CFAP54: variants seen among roughly 807,000 people sequenced by gnomAD.
CFAP54 encodes the protein cilia- and flagella-associated protein 54.
A neutral mutation model predicts 370.4 loss-of-function variants in CFAP54; 290 were observed. The observed-to-expected ratio is 0.78, with a 90% confidence interval of 0.71 to 0.86. The LOEUF is 0.86. CFAP54 is among the 40% of genes least tolerant of loss of function. The probability of loss-of-function intolerance (pLI) is 0.00; values close to 1 mark genes in which losing one functional copy is unlikely to be tolerated. For synonymous variants in CFAP54, 1,206 were observed against 1,236.5 expected (o/e 0.98, Z 0.52); for missense variants, 3,399 against 3,528.7 (o/e 0.96, Z 0.93).
intron 30 of CFAP54, 86 bp downstream of exon 30, chr12:96,627,025 A>G (rs1289545763): frequency 7.0e-6 from 7 of 992,970 alleles, no homozygotes; most frequent in Non-Finnish European, 9.3e-6. Context: ...AGGTAGACGA[A>G]AAAGAGAGTG....
intron 30 of CFAP54, among the ~76,000 whole-genome samples, chr12:96,627,907 G>A (rs1956564380): frequency 6.6e-6 from 1 of 152,194 alleles, no homozygotes; most frequent in African/African-American, 2.4e-5. Flanking sequence ...TTAAGAATAA[G>A]AGATATTCTG....
At chr12:96,605,160 C>T (rs566920103) in intron 26 of CFAP54, among the ~76,000 whole-genome samples, 24 of 152,124 alleles carry the variant, frequency 1.6e-4, no homozygotes, top group African/African-American at 5.3e-4. Flanking sequence ...TCACACAGAA[C>T]GTATTTGTTT....
At chr12:96,766,347 A>C (rs10128855) in intron 60 of CFAP54, among the ~76,000 whole-genome samples, 2 of 151,822 alleles carry the variant, frequency 1.3e-5, no homozygotes, top group Non-Finnish European at 2.9e-5. Context: ...CAGCCTGAAC[A>C]TCAGACTGGG....
chr12:96,735,296 G>C (rs1286106465), intron 50 of CFAP54, among the ~76,000 whole-genome samples: 1 of 152,160 alleles, frequency 6.6e-6, no homozygotes, highest in Non-Finnish European at 1.5e-5. Context: ...AGAACCACAA[G>C]GGATCATCTA....
chr12:96,585,046 T>C (rs866691637), intron 22 of CFAP54, among the ~76,000 whole-genome samples: 260 of 152,290 alleles, frequency 1.7e-3, no homozygotes, highest in Middle Eastern at 3.4e-3. Flanking sequence ...TCTCTTTTTT[T>C]TTTTTTCTTG....
At chr12:96,686,868 T>G (rs1380735477) in intron 42 of CFAP54, among the ~76,000 whole-genome samples, 1 of 152,240 alleles carries the variant, frequency 6.6e-6, no homozygotes, top group Non-Finnish European at 1.5e-5. Flanking sequence ...AGTGTCCTTT[T>G]TGCTGCTGTA....
intron 64 of CFAP54, among the ~76,000 whole-genome samples, chr12:96,812,342 T>C (rs1958935925): frequency 6.6e-6 from 1 of 152,222 alleles, no homozygotes; most frequent in Admixed American, 6.5e-5. Flanking sequence ...GTCAGAAGTC[T>C]CTGCTTCATC....
chr12:96,869,765 G>A (rs1473254460), intron 67 of CFAP54, among the ~76,000 whole-genome samples: 1 of 151,516 alleles, frequency 6.6e-6, no homozygotes, highest in Admixed American at 6.6e-5. Context: ...GCGAAACCCT[G>A]TCTCTACTAA....
chr12:96,792,950 T>G (rs1592764701), intron 63 of CFAP54, among the ~76,000 whole-genome samples: 1 of 152,250 alleles, frequency 6.6e-6, no homozygotes, highest in East Asian at 1.9e-4. Context: ...TCATGATATA[T>G]TTATTTTGCT....
At position 96,743,384 on chromosome 12, in the gene CFAP54, C is replaced by T. The variant is rs372078875; in HGVS notation, c.7220-18C>T. 157 of 1,608,108 alleles carry T rather than the reference C, an allele frequency of 9.8e-5. No individual in the cohort carries two copies. The highest frequency in any genetic ancestry group is 1.5e-4 in the Admixed American group (9 of 59,254). ...ACTTTCTCAATGCATTTTAAATAAC[C>T]GCATTTGTTTATTTTAGAGGATGAT... On this transcript the variant is annotated intron_variant, in intron 52 of 67. Transcript: ENST00000524981.
intron 48 of CFAP54, among the ~76,000 whole-genome samples, chr12:96,715,300 A>G (rs1463950842): frequency 6.6e-6 from 1 of 152,124 alleles, no homozygotes; most frequent in Non-Finnish European, 1.5e-5. Flanking sequence ...TCCCAGCCAC[A>G]TTAAAATTCA....
At chr12:96,860,011 T>G (rs1959829174) in intron 66 of CFAP54, among the ~76,000 whole-genome samples, 1 of 152,136 alleles carries the variant, frequency 6.6e-6, no homozygotes, top group South Asian at 2.1e-4. Flanking sequence ...GACAAAAAAG[T>G]TAACAAAAAC....
intron 2 of CFAP54, among the ~76,000 whole-genome samples, chr12:96,503,098 C>T (rs1181187650): frequency 2.9e-5 from 4 of 139,876 alleles, no homozygotes; most frequent in East Asian, 2.2e-4. Context: ...CTTTCTTTCT[C>T]TCTCTCTCCT....
intron 26 of CFAP54, among the ~76,000 whole-genome samples, chr12:96,620,100 C>T (rs1367936128): frequency 1.3e-5 from 2 of 152,146 alleles, no homozygotes; most frequent in African/African-American, 2.4e-5. Flanking sequence ...GTGCCTTTGC[C>T]CTGGTCCCAA....
chr12:96,495,948 A>G (rs1039892622), intron 1 of CFAP54, among the ~76,000 whole-genome samples: 1 of 152,190 alleles, frequency 6.6e-6, no homozygotes, highest in African/African-American at 2.4e-5. Flanking sequence ...GACTTCTAGT[A>G]AGACTTGGTG....
intron 51 of CFAP54, among the ~76,000 whole-genome samples, chr12:96,741,130 A>G (rs78609296): frequency 0.011 from 1,713 of 152,120 alleles, 30 homozygotes; most frequent in African/African-American, 0.038. Flanking sequence ...TTGAATCACT[A>G]TCCTCCCTGT....
chr12:96,492,335 A>T (rs922195324), intron 1 of CFAP54, among the ~76,000 whole-genome samples: 2 of 151,852 alleles, frequency 1.3e-5, no homozygotes, highest in African/African-American at 4.8e-5. Context: ...CTCATCCCTC[A>T]CTTCTCTCTC....
chr12:96,566,746 T>C (rs1955868593), intron 19 of CFAP54, among the ~76,000 whole-genome samples: 1 of 152,208 alleles, frequency 6.6e-6, no homozygotes, highest in Non-Finnish European at 1.5e-5. Context: ...TTACTTGTTA[T>C]CTGTCAATCT....
At position 96,621,639 on chromosome 12, in the gene CFAP54, A is replaced by G. The variant is rs1956490025; in HGVS notation, c.3689A>G (p.Tyr1230Cys). 1.3e-6 allele frequency: 2 copies of G among 1,520,942 alleles called. No homozygotes were observed. Among genetic ancestry groups the G allele is most frequent in the Non-Finnish European group, 1.8e-6 (2 of 1,135,396 alleles). The allele number at this position is 1,520,942 out of a possible 1,614,324, so 94.2% of individuals were successfully genotyped here. A position where few individuals can be genotyped will look rare whatever the true frequency, so the allele number is the denominator to read the frequency against. Residue 1230 changes from tyrosine to cysteine, a missense_variant, in exon 27 of 68, where the codon TAT becomes TGT. Coordinates refer to ENST00000524981, the MANE Select transcript of CFAP54 (RefSeq NM_001306084.2). ...GACCTGGCAGTAATGATTATAAATT[A>G]TGGGAAAAAAATGTTGGACATCACA... is the stretch of plus-strand genomic sequence containing the variant. ...EYDLAVMIIN[Y>C]GKKMLDITPG...
Sources: allele counts gnomAD v4.1 joint callset (sites outside exome capture counted in the v4.1 genomes callset), GRCh38; gene constraint gnomAD v4.1.1; transcripts MANE v1.5; gene names NCBI Gene and HGNC (gene_info 2026-07-23, HGNC 2026-07-21).